Variants in HEMK2 observed in about 807,000 individuals in gnomAD.
HEMK2 encodes methyltransferase HEMK2.
At chr21:28,680,787 C>G in the HEMK2 span, among the ~76,000 whole-genome samples, 1 of 152,232 alleles carries the variant, frequency 6.6e-6, no homozygotes, top group East Asian at 1.9e-4. Flanking sequence ...ATAAACAGAA[C>G]CAACGACAAA....
the HEMK2 span, among the ~76,000 whole-genome samples, chr21:28,810,511 T>A: frequency 1.3e-5 from 2 of 152,182 alleles, no homozygotes; most frequent in Non-Finnish European, 2.9e-5. Flanking sequence ...CAACTAAAGA[T>A]CAGAGGCCCT....
the HEMK2 span, among the ~76,000 whole-genome samples, chr21:28,745,991 GA>G: frequency 6.6e-6 from 1 of 152,082 alleles, no homozygotes; most frequent in East Asian, 1.9e-4. Flanking sequence ...AGCCAGGTGA[GA>G]AAAAAGTGGT....
the HEMK2 span, among the ~76,000 whole-genome samples, chr21:28,813,740 T>C: frequency 6.6e-6 from 1 of 151,998 alleles, no homozygotes; most frequent in Admixed American, 6.6e-5. Context: ...TACAGACCAA[T>C]GGAACAGAAC....
At chr21:28,771,670 C>T in the HEMK2 span, among the ~76,000 whole-genome samples, 1 of 152,072 alleles carries the variant, frequency 6.6e-6, no homozygotes, top group African/African-American at 2.4e-5. Context: ...TTTTAACAGT[C>T]TTGTTTTAGG....
the HEMK2 span, among the ~76,000 whole-genome samples, chr21:28,773,605 T>C: frequency 6.6e-6 from 1 of 152,194 alleles, no homozygotes; most frequent in Non-Finnish European, 1.5e-5. Context: ...AGTAATTGCA[T>C]TTTAAATATA....
At chr21:28,854,265 A>G in the HEMK2 span, among the ~76,000 whole-genome samples, 7 of 152,204 alleles carry the variant, frequency 4.6e-5, no homozygotes, top group African/African-American at 9.7e-5. Flanking sequence ...TTTATTTTGC[A>G]TAACTTTCTA....
At chr21:28,651,964 T>G in the HEMK2 span, among the ~76,000 whole-genome samples, 4 of 152,224 alleles carry the variant, frequency 2.6e-5, no homozygotes, top group South Asian at 8.3e-4. Context: ...AAGCGTGGAA[T>G]AGAAAATTAA....
chr21:28,653,087 A>G, the HEMK2 span, among the ~76,000 whole-genome samples: 1 of 152,100 alleles, frequency 6.6e-6, no homozygotes, highest in Non-Finnish European at 1.5e-5. Context: ...GAGTCCATAC[A>G]TTGCCAACTC....
the HEMK2 span, among the ~76,000 whole-genome samples, chr21:28,622,374 G>T: frequency 6.6e-6 from 1 of 152,128 alleles, no homozygotes; most frequent in East Asian, 1.9e-4. Flanking sequence ...TGGATAGGAA[G>T]AATCAATATC....
At chr21:28,805,683 C>T in the HEMK2 span, among the ~76,000 whole-genome samples, 9 of 151,362 alleles carry the variant, frequency 5.9e-5, no homozygotes, top group Non-Finnish European at 1.3e-4. Context: ...TTTTTTTCTC[C>T]GAAACTAGTG....
At chr21:28,841,434 ATATTATATATAAAATAT>A in the HEMK2 span, among the ~76,000 whole-genome samples, 1 of 82,270 alleles carries the variant, frequency 1.2e-5, no homozygotes, top group African/African-American at 4.9e-5. Flanking sequence ...TAAAATATAT[ATATTATATATAAAATAT>A]TATATATAAT....
chr21:28,635,797 A>G, the HEMK2 span, among the ~76,000 whole-genome samples: 1 of 152,116 alleles, frequency 6.6e-6, no homozygotes, highest in Non-Finnish European at 1.5e-5. Context: ...GTCTAATAGA[A>G]CTTTCTACAA....
At chr21:28,846,460 T>C in the HEMK2 span, among the ~76,000 whole-genome samples, 1 of 152,194 alleles carries the variant, frequency 6.6e-6, no homozygotes, top group Non-Finnish European at 1.5e-5. Context: ...CCAGCATCTA[T>C]TGTTTTTTGA....
chr21:28,802,103 A>G, the HEMK2 span, among the ~76,000 whole-genome samples: 1 of 152,318 alleles, frequency 6.6e-6, no homozygotes, highest in South Asian at 2.1e-4. Flanking sequence ...TATAACAGCA[A>G]AAGAGTAGGA....
At chr21:28,827,804 T>C in the HEMK2 span, among the ~76,000 whole-genome samples, 1 of 152,248 alleles carries the variant, frequency 6.6e-6, no homozygotes, top group Admixed American at 6.5e-5. Context: ...AATTGCATGC[T>C]GCTTTTAATA....
the HEMK2 span, among the ~76,000 whole-genome samples, chr21:28,823,730 C>T: frequency 6.6e-6 from 1 of 152,242 alleles, no homozygotes; most frequent in African/African-American, 2.4e-5. Context: ...GGACCTAGCA[C>T]CCTACAATCT....
chr21:28,768,612 C>G, the HEMK2 span, among the ~76,000 whole-genome samples: 1 of 152,004 alleles, frequency 6.6e-6, no homozygotes, highest in African/African-American at 2.4e-5. Context: ...AAGGAAGAGG[C>G]AGATCCTCGT....
the HEMK2 span, among the ~76,000 whole-genome samples, chr21:28,637,065 G>A: frequency 3.3e-5 from 5 of 152,170 alleles, no homozygotes; most frequent in Non-Finnish European, 7.4e-5. Context: ...GCTCAGAGTC[G>A]ACTGGGTAGT....
At chr21:28,863,707 A>G in the HEMK2 span, among the ~76,000 whole-genome samples, 5 of 152,018 alleles carry the variant, frequency 3.3e-5, no homozygotes, top group Admixed American at 2.0e-4. Flanking sequence ...GAGACCACCA[A>G]GGAGAGACTG....
Sources: allele counts gnomAD v4.1 joint callset (sites outside exome capture counted in the v4.1 genomes callset), GRCh38; gene constraint gnomAD v4.1.1; transcripts MANE v1.5; gene names NCBI Gene and HGNC (gene_info 2026-07-23, HGNC 2026-07-21).